The following TXK variants were observed in gnomAD, a reference collection of about 807,000 sequenced individuals.
TXK encodes the protein tyrosine-protein kinase TXK.
In TXK, 60 loss-of-function variants were observed where a neutral mutation model predicts 81.0. The ratio of observed to expected loss-of-function variants is 0.74; its 90% CI spans 0.60 to 0.92. The LOEUF (loss-of-function observed/expected upper bound fraction) is 0.92, where lower values mean the gene tolerates loss of function less well. Ranked by LOEUF, TXK falls within the 40% of genes least tolerant of loss-of-function variation. The pLI is 0.00. For synonymous variants in TXK, 203 were observed against 210.7 expected (o/e 0.96, Z 0.32); for missense variants, 581 against 638.3 (o/e 0.91, Z 0.97).
chr4:48,132,104 TAAAC>T (rs1164854241), intron 1 of TXK, among the ~76,000 whole-genome samples: 1 of 152,098 alleles, frequency 6.6e-6, no homozygotes. Flanking sequence ...GGATTTCGCT[TAAAC>T]AGATGATATT....
At chr4:48,119,036 T>G (rs933933862) in intron 1 of TXK, among the ~76,000 whole-genome samples, 1 of 152,104 alleles carries the variant, frequency 6.6e-6, no homozygotes, top group Non-Finnish European at 1.5e-5. Flanking sequence ...GAGAGTAAAA[T>G]AGAGCAGAGA....
chr4:48,094,750 CA>C (rs1271179030), intron 7 of TXK, among the ~76,000 whole-genome samples: 1 of 152,182 alleles, frequency 6.6e-6, no homozygotes, highest in African/African-American at 2.4e-5. Context: ...TGTTACCTCT[CA>C]GGCACTTTCA....
At chr4:48,117,478 C>A (rs1399160978) in intron 1 of TXK, among the ~76,000 whole-genome samples, 1 of 152,212 alleles carries the variant, frequency 6.6e-6, no homozygotes, top group African/African-American at 2.4e-5. Context: ...ATCACCCCAG[C>A]TACATTGACC....
intron 1 of TXK, among the ~76,000 whole-genome samples, chr4:48,125,586 T>C (rs1719070349): frequency 6.6e-6 from 1 of 152,194 alleles, no homozygotes; most frequent in Non-Finnish European, 1.5e-5. Context: ...GCTCTCACAC[T>C]TTTTCTCAGT....
At position 48,066,760 on chromosome 4, in the gene TXK, A is replaced by G. The variant is rs1254620542; in HGVS notation, c.*877T>C. The G allele has an allele frequency of 1.3e-5, 2 of 152,168 alleles. No homozygotes were observed. Among genetic ancestry groups the G allele is most frequent in the Non-Finnish European group, 2.9e-5 (2 of 68,032 alleles). 9.4% of individuals were successfully genotyped at this position (152,168 alleles called of 1,614,324 possible). ...TTTCATCTCGAATTCAAAATCCTGG[A>G]TTTCCGAAACAATGGAGCTTGATGT... On this transcript the variant is annotated 3_prime_UTR_variant, in exon 15 of 15. Coordinates refer to ENST00000264316, the MANE Select transcript of TXK (RefSeq NM_003328.3).
intron 6 of TXK, 137 bp downstream of exon 6, chr4:48,104,764 A>T (rs930974620): frequency 1.6e-6 from 1 of 631,612 alleles, no homozygotes; most frequent in Non-Finnish European, 2.7e-6. Context: ...TTACAACTTC[A>T]CATAAAATAT....
intron 6 of TXK, among the ~76,000 whole-genome samples, chr4:48,099,470 C>T (rs1718105021): frequency 6.6e-6 from 1 of 152,074 alleles, no homozygotes; most frequent in Non-Finnish European, 1.5e-5. Context: ...AATGGATCCC[C>T]AAACCTCATT....
chr4:48,081,757 C>A (rs1181410216), intron 10 of TXK, among the ~76,000 whole-genome samples: 1 of 152,124 alleles, frequency 6.6e-6, no homozygotes, highest in East Asian at 1.9e-4. Context: ...CACTTGATCA[C>A]ACCTAATAAA....
intron 9 of TXK, among the ~76,000 whole-genome samples, chr4:48,087,052 C>T (rs1167567733): frequency 2.6e-5 from 4 of 151,952 alleles, no homozygotes; most frequent in African/African-American, 9.7e-5. Flanking sequence ...TCCTGTTGGT[C>T]TTCTCACTCC....
At chr4:48,070,431 C>CT (rs1716792800) in intron 14 of TXK, among the ~76,000 whole-genome samples, 1 of 152,086 alleles carries the variant, frequency 6.6e-6, no homozygotes, top group Non-Finnish European at 1.5e-5. Flanking sequence ...AGATGAAACC[C>CT]ATTACTATTA....
intron 14 of TXK, among the ~76,000 whole-genome samples, chr4:48,070,451 A>G (rs1309261877): frequency 2.0e-5 from 3 of 152,236 alleles, no homozygotes; most frequent in Non-Finnish European, 4.4e-5. Context: ...AGCGTTGGAA[A>G]AGCAAGACAA....
At chr4:48,110,337 G>A (rs1252406316) in intron 5 of TXK, among the ~76,000 whole-genome samples, 2 of 152,090 alleles carry the variant, frequency 1.3e-5, no homozygotes, top group African/African-American at 4.8e-5. Flanking sequence ...CAGAAAAAGT[G>A]GCTATACAAA....
intron 14 of TXK, 22 bp from the exon 15 acceptor site, chr4:48,067,727 G>A (rs1367455183): frequency 6.2e-7 from 1 of 1,611,106 alleles, no homozygotes. Context: ...AAGTGGGGGT[G>A]GTTAGCTCAG....
At chr4:48,132,373 A>T (rs1719267244) in intron 1 of TXK, among the ~76,000 whole-genome samples, 1 of 152,016 alleles carries the variant, frequency 6.6e-6, no homozygotes, top group Non-Finnish European at 1.5e-5. Context: ...TTCCAAAGCA[A>T]CTCCCAAAAT....
At chr4:48,133,651 T>C (rs2109492724) in intron 1 of TXK, among the ~76,000 whole-genome samples, 1 of 152,374 alleles carries the variant, frequency 6.6e-6, no homozygotes, top group African/African-American at 2.4e-5. Context: ...TATGTTTACT[T>C]GATAAAGCAG....
At chr4:48,124,827 A>G (rs1041658609) in intron 1 of TXK, among the ~76,000 whole-genome samples, 2 of 152,236 alleles carry the variant, frequency 1.3e-5, no homozygotes, top group African/African-American at 4.8e-5. Flanking sequence ...TGGCATTCAA[A>G]TGTGTTTGTT....
At chr4:48,121,176 C>T (rs972973304) in intron 1 of TXK, among the ~76,000 whole-genome samples, 1 of 152,214 alleles carries the variant, frequency 6.6e-6, no homozygotes, top group African/African-American at 2.4e-5. Context: ...TCAAAATACA[C>T]ACATCTAGCC....
At position 48,134,200 on chromosome 4, in the gene TXK, A is replaced by T; in HGVS notation, c.-30T>A. The T allele has an allele frequency of 6.2e-7, 1 of 1,612,292 alleles. No individual in the cohort carries two copies. Among genetic ancestry groups the T allele is most frequent in the Non-Finnish European group, 8.5e-7 (1 of 1,179,234 alleles). On this transcript the variant is annotated 5_prime_UTR_variant, in exon 1 of 15. Coordinates refer to ENST00000264316, the MANE Select transcript of TXK (RefSeq NM_003328.3). ...GCCCCTTCTGCGGGGAGCACACAACAGTCTTCAGTTCTTCTGCGGTGCTCT... is the reference window on the plus strand; with the variant it reads ...GCCCCTTCTGCGGGGAGCACACAACTGTCTTCAGTTCTTCTGCGGTGCTCT...
chr4:48,107,204 T>C (rs1438080306), intron 5 of TXK, among the ~76,000 whole-genome samples: 1 of 151,662 alleles, frequency 6.6e-6, no homozygotes, highest in Admixed American at 6.6e-5. Flanking sequence ...TTTAGATTTA[T>C]ATATAGTATA....
Sources: gnomAD v4.1 joint callset for allele counts (sites outside exome capture counted in the v4.1 genomes callset) on GRCh38, gnomAD v4.1.1 for gene constraint, MANE v1.5 for transcripts, NCBI Gene and HGNC (gene_info 2026-07-23, HGNC 2026-07-21) for gene names.